The following CBLB variants were observed in gnomAD, a reference collection of about 807,000 sequenced individuals.
The protein encoded by CBLB is E3 ubiquitin-protein ligase CBL-B.
Under a neutral mutation model 104.9 loss-of-function variants are expected in CBLB, and 31 were observed. The observed-to-expected ratio is 0.30, with a 90% confidence interval of 0.22 to 0.40. CBLB has a LOEUF of 0.40. Among genes scored for constraint, CBLB ranks in the 10% least tolerant of loss-of-function variants. The pLI, the probability that CBLB is intolerant of heterozygous loss-of-function variation, is 1.00. For synonymous variants in CBLB, 440 were observed against 422.6 expected, an observed-to-expected ratio of 1.04 and a Z score of -0.51; for missense variants, 1,062 against 1,214.6, an observed-to-expected ratio of 0.87 and a Z score of 1.87.
At chr3:105,771,611 A>G (rs1049697068) in intron 4 of CBLB, among the ~76,000 whole-genome samples, 3 of 152,154 alleles carry the variant, frequency 2.0e-5, no homozygotes, top group Non-Finnish European at 4.4e-5. Flanking sequence ...TTCACTGATG[A>G]TATGATCATA....
chr3:105,756,506 T>C (rs1026567900), intron 4 of CBLB, among the ~76,000 whole-genome samples: 7 of 152,086 alleles, frequency 4.6e-5, no homozygotes, highest in Admixed American at 2.6e-4. Context: ...TAATGGTAGA[T>C]TCATATTATA....
intron 2 of CBLB, among the ~76,000 whole-genome samples, chr3:105,860,015 T>C (rs533471425): frequency 2.1e-4 from 32 of 152,348 alleles, no homozygotes; most frequent in Middle Eastern, 3.4e-3. Context: ...CACGAAGATG[T>C]CTTCAGAAGA....
rs1476818648 is a variant in CBLB at position 105,702,216 on chromosome 3, C to A, written c.1837G>T (p.Gly613Cys). ...GCTGTGATTCCAGGTTTTGGAGAGCCCTCCCCTAGGAGTCGACATCCCACA... is the reference window on the plus strand; with the variant it reads ...GCTGTGATTCCAGGTTTTGGAGAGCACTCCCCTAGGAGTCGACATCCCACA... ...QLVGCRLLGE[G>C]SPKPGITASS... is the part of the protein sequence containing the mutation. Residue 613 changes from glycine (G) to cysteine (C), a missense_variant, in exon 12 of 19, where the codon GGC (glycine) becomes TGC (cysteine). Gly to Cys is a radical substitution (Grantham distance 159, BLOSUM62 -3). Transcript: ENST00000394030. 1.2e-6 allele frequency: 2 copies of A among 1,613,934 alleles called. No individual in the cohort carries two copies. The highest frequency in any genetic ancestry group is 1.7e-5 in the Admixed American group (1 of 59,988).
chr3:105,753,440 T>C (rs1576888416), intron 4 of CBLB, among the ~76,000 whole-genome samples: 2 of 152,114 alleles, frequency 1.3e-5, no homozygotes, highest in Non-Finnish European at 2.9e-5. Flanking sequence ...AGTATAAATA[T>C]GCAATTATGT....
intron 3 of CBLB, among the ~76,000 whole-genome samples, chr3:105,809,383 T>C: frequency 6.6e-6 from 1 of 152,154 alleles, no homozygotes; most frequent in East Asian, 1.9e-4. Context: ...GTCATTTAAC[T>C]CCTTGAGCAG....
chr3:105,859,704 T>C (rs1036809543), intron 2 of CBLB, among the ~76,000 whole-genome samples: 1 of 149,948 alleles, frequency 6.7e-6, no homozygotes, highest in Non-Finnish European at 1.5e-5. Context: ...CCTCCTCCTA[T>C]AAATGTTAGA....
chr3:105,822,987 G>T (rs189245152), intron 3 of CBLB, among the ~76,000 whole-genome samples: 1 of 151,980 alleles, frequency 6.6e-6, no homozygotes, highest in African/African-American at 2.4e-5. Flanking sequence ...CCTGTTTATC[G>T]CTCAGAAAAG....
upstream of CBLB, chr3:105,869,139 G>A: frequency 1.4e-6 from 1 of 726,844 alleles, no homozygotes; most frequent in South Asian, 1.8e-5. Flanking sequence ...CCAATGGACG[G>A]GAGGCGCCCG....
chr3:105,755,501 C>CT (rs981060310), intron 4 of CBLB, among the ~76,000 whole-genome samples: 26 of 7,476 alleles, frequency 3.5e-3, no homozygotes, highest in African/African-American at 6.5e-3. Context: ...AGAATGATTT[C>CT]TTTTAAAAAA....
intron 6 of CBLB, among the ~76,000 whole-genome samples, chr3:105,741,717 G>T (rs745976832): frequency 6.8e-6 from 1 of 146,848 alleles, no homozygotes; most frequent in South Asian, 2.2e-4. Flanking sequence ...TTTTAATAGA[G>T]ACCACGTTAG....
At chr3:105,815,888 C>T (rs1035279034) in intron 3 of CBLB, among the ~76,000 whole-genome samples, 2 of 152,130 alleles carry the variant, frequency 1.3e-5, no homozygotes, top group Non-Finnish European at 2.9e-5. Context: ...AGTTCATGTC[C>T]TTTGCAGGGA....
At chr3:105,665,278 G>A (rs1246444775) in intron 18 of CBLB, among the ~76,000 whole-genome samples, 1 of 151,648 alleles carries the variant, frequency 6.6e-6, no homozygotes, top group Admixed American at 6.6e-5. Flanking sequence ...AGCTACTTGG[G>A]AGGCTGAAAC....
chr3:105,812,761 ATTC>A (rs2084484715), intron 3 of CBLB, among the ~76,000 whole-genome samples: 1 of 152,196 alleles, frequency 6.6e-6, no homozygotes, highest in Admixed American at 6.5e-5. Flanking sequence ...TGGGGTGCTT[ATTC>A]TTTGTGCTTC....
intron 12 of CBLB, among the ~76,000 whole-genome samples, chr3:105,695,286 G>C (rs2068217461): frequency 6.6e-6 from 1 of 151,694 alleles, no homozygotes. Flanking sequence ...CAGCTGTATT[G>C]GCTCTAATTT....
At chr3:105,785,901 G>A (rs1354615451) in intron 3 of CBLB, among the ~76,000 whole-genome samples, 1 of 152,086 alleles carries the variant, frequency 6.6e-6, no homozygotes, top group Non-Finnish European at 1.5e-5. Context: ...ATAGAAAACT[G>A]GGAACCAGTG....
At chr3:105,667,092 G>A (rs2064552627) in intron 18 of CBLB, among the ~76,000 whole-genome samples, 1 of 152,176 alleles carries the variant, frequency 6.6e-6, no homozygotes. Context: ...ACTAATGGTA[G>A]TATTGAAATT....
At chr3:105,791,823 T>C (rs12630062) in intron 3 of CBLB, among the ~76,000 whole-genome samples, 3,368 of 152,326 alleles carry the variant, frequency 0.022, 84 homozygotes, top group East Asian at 0.12. Context: ...TCAGCATTTA[T>C]TTCCATTATG....
intron 3 of CBLB, among the ~76,000 whole-genome samples, chr3:105,779,331 A>G (rs2079859886): frequency 6.6e-6 from 1 of 152,052 alleles, no homozygotes; most frequent in South Asian, 2.1e-4. Flanking sequence ...ATCAATACTC[A>G]CTGATTGACT....
intron 7 of CBLB, among the ~76,000 whole-genome samples, chr3:105,739,612 A>G (rs1455638846): frequency 6.6e-6 from 1 of 152,192 alleles, no homozygotes; most frequent in Non-Finnish European, 1.5e-5. Flanking sequence ...CTAAAAAACA[A>G]AGGGAAACTT....
Sources: gnomAD v4.1 joint callset for allele counts (sites outside exome capture counted in the v4.1 genomes callset) on GRCh38, gnomAD v4.1.1 for gene constraint, MANE v1.5 for transcripts, NCBI Gene and HGNC (gene_info 2026-07-23, HGNC 2026-07-21) for gene names.